Variants in DRC11 observed in about 807,000 individuals in gnomAD.
DRC11 encodes dynein regulatory complex subunit 11.
the DRC11 span, chr2:236,497,046 G>T: frequency 1.2e-6 from 1 of 817,900 alleles, no homozygotes; most frequent in Non-Finnish European, 1.9e-6. The surrounding 1 kb of genome is among the most constrained non-coding windows in gnomAD (Gnocchi z 5.1). Context: ...TAGATTTTCC[G>T]TACACCAACT....
chr2:236,347,508 C>CTATA, the DRC11 span, among the ~76,000 whole-genome samples: 335 of 107,514 alleles, frequency 3.1e-3, 29 homozygotes, highest in African/African-American at 9.6e-3. Flanking sequence ...AAAAACTGTG[C>CTATA]TATATATATA....
the DRC11 span, among the ~76,000 whole-genome samples, chr2:236,460,545 T>G: frequency 6.6e-6 from 1 of 152,102 alleles, no homozygotes; most frequent in Non-Finnish European, 1.5e-5. The surrounding 1 kb of genome is among the most constrained non-coding windows in gnomAD (Gnocchi z 4.0). Flanking sequence ...AAATGTAAAA[T>G]CAACCCAAAT....
At chr2:236,484,867 C>A in the DRC11 span, among the ~76,000 whole-genome samples, 5 of 152,184 alleles carry the variant, frequency 3.3e-5, no homozygotes, top group African/African-American at 9.7e-5. Flanking sequence ...CTTCTCAGCC[C>A]CCATTCCTTG....
the DRC11 span, among the ~76,000 whole-genome samples, chr2:236,428,830 C>T: frequency 0.011 from 1,698 of 152,222 alleles, 14 homozygotes; most frequent in Non-Finnish European, 0.019. Context: ...CTATTATTTT[C>T]CTGATTTCAT....
At chr2:236,358,276 GAT>G in the DRC11 span, among the ~76,000 whole-genome samples, 712 of 126,460 alleles carry the variant, frequency 5.6e-3, 4 homozygotes, top group South Asian at 0.014. Context: ...ATAATATATA[GAT>G]ATATATACTA....
the DRC11 span, chr2:236,380,564 C>T: frequency 6.4e-7 from 1 of 1,550,792 alleles, no homozygotes; most frequent in Non-Finnish European, 8.7e-7. The surrounding 1 kb of genome is among the most constrained non-coding windows in gnomAD (Gnocchi z 4.9). Context: ...GAGTCCATTC[C>T]TCACCTGTCA....
chr2:236,494,008 T>G, the DRC11 span: 1 of 820,342 alleles, frequency 1.2e-6, no homozygotes, highest in Non-Finnish European at 1.7e-6. The surrounding 1 kb of genome is among the most constrained non-coding windows in gnomAD (Gnocchi z 4.2). Context: ...CCATTTTCAT[T>G]TAAGAAAAAA....
the DRC11 span, among the ~76,000 whole-genome samples, chr2:236,439,424 A>C: frequency 6.6e-6 from 1 of 152,198 alleles, no homozygotes; most frequent in Non-Finnish European, 1.5e-5. Flanking sequence ...TTTTGATTTT[A>C]ATTGGAATTG....
the DRC11 span, chr2:236,412,528 T>C: frequency 2.6e-5 from 4 of 152,404 alleles, no homozygotes; most frequent in African/African-American, 9.6e-5. Flanking sequence ...CTTCCAGCTG[T>C]TGAACCATAG....
At chr2:236,470,214 C>CTCAATT in the DRC11 span, among the ~76,000 whole-genome samples, 1 of 152,196 alleles carries the variant, frequency 6.6e-6, no homozygotes, top group Non-Finnish European at 1.5e-5. This position sits in a 1 kb window ranked among gnomAD's most constrained non-coding sequence, Gnocchi z 5.1. Flanking sequence ...TGAAAGTCTG[C>CTCAATT]TCAATTTATC....
the DRC11 span, among the ~76,000 whole-genome samples, chr2:236,418,781 C>T: frequency 1.3e-5 from 2 of 152,224 alleles, no homozygotes; most frequent in African/African-American, 4.8e-5. Flanking sequence ...ATTATTTTGA[C>T]TTTCCAGTGT....
At chr2:236,461,844 C>T in the DRC11 span, among the ~76,000 whole-genome samples, 3 of 152,108 alleles carry the variant, frequency 2.0e-5, no homozygotes, top group Non-Finnish European at 4.4e-5. This position sits in a 1 kb window ranked among gnomAD's most constrained non-coding sequence, Gnocchi z 4.0. Context: ...TGCCAAACTG[C>T]CTGGAGGAGC....
the DRC11 span, among the ~76,000 whole-genome samples, chr2:236,441,894 A>G: frequency 6.6e-6 from 1 of 152,150 alleles, no homozygotes; most frequent in Non-Finnish European, 1.5e-5. Context: ...GAGGATCCCA[A>G]AGAGTTTTTG....
the DRC11 span, among the ~76,000 whole-genome samples, chr2:236,308,842 T>C: frequency 3.3e-5 from 5 of 152,244 alleles, no homozygotes; most frequent in Non-Finnish European, 5.9e-5. This position sits in a 1 kb window ranked among gnomAD's most constrained non-coding sequence, Gnocchi z 6.0. Flanking sequence ...ACCACCACAC[T>C]GTGCCCCATA....
chr2:236,489,643 C>G, the DRC11 span, among the ~76,000 whole-genome samples: 3 of 152,118 alleles, frequency 2.0e-5, no homozygotes, highest in African/African-American at 7.2e-5. Flanking sequence ...CCAAAGAGGC[C>G]AGGCACAGTG....
At chr2:236,490,928 GTA>G in the DRC11 span, among the ~76,000 whole-genome samples, 2 of 145,550 alleles carry the variant, frequency 1.4e-5, no homozygotes, top group African/African-American at 5.2e-5. This position sits in a 1 kb window ranked among gnomAD's most constrained non-coding sequence, Gnocchi z 5.5. Flanking sequence ...ATATATATGT[GTA>G]TATATATGAG....
At chr2:236,462,195 G>A in the DRC11 span, among the ~76,000 whole-genome samples, 1 of 152,080 alleles carries the variant, frequency 6.6e-6, no homozygotes, top group Non-Finnish European at 1.5e-5. The surrounding 1 kb of genome is among the most constrained non-coding windows in gnomAD (Gnocchi z 6.4). Flanking sequence ...CTGAGACCTG[G>A]GCCTGGTACC....
At chr2:236,416,763 ATAT>A in the DRC11 span, among the ~76,000 whole-genome samples, 6 of 98,422 alleles carry the variant, frequency 6.1e-5, no homozygotes, top group South Asian at 1.9e-3. Context: ...ATATATATAT[ATAT>A]ATAAATAATT....
At chr2:236,343,139 G>A in the DRC11 span, among the ~76,000 whole-genome samples, 6 of 152,108 alleles carry the variant, frequency 3.9e-5, no homozygotes, top group South Asian at 2.1e-4. The surrounding 1 kb of genome is among the most constrained non-coding windows in gnomAD (Gnocchi z 6.6). Context: ...CCTCCTCAGC[G>A]CGCCTCCTTC....
Sources: allele counts gnomAD v4.1 joint callset (sites outside exome capture counted in the v4.1 genomes callset), GRCh38; gene constraint gnomAD v4.1.1; non-coding constraint Gnocchi (gnomAD v3.1); transcripts MANE v1.5; gene names NCBI Gene and HGNC (gene_info 2026-07-23, HGNC 2026-07-21).